The following SLC25A46 variants were observed in gnomAD, a reference collection of about 807,000 sequenced individuals.
The protein encoded by SLC25A46 is solute carrier family 25 member 46.
Under a neutral mutation model 44.6 loss-of-function variants are expected in SLC25A46, and 39 were observed. The observed-to-expected ratio is 0.87, with a 90% confidence interval of 0.68 to 1.14. SLC25A46 has a LOEUF of 1.14. SLC25A46 is among the 50% of genes most tolerant of loss of function. The probability of loss-of-function intolerance (pLI) is 0.00; values close to 1 mark genes in which losing one functional copy is unlikely to be tolerated. For missense variants in SLC25A46, 547 were observed against 522.7 expected, an observed-to-expected ratio of 1.05 and a Z score of -0.45; for synonymous variants, 202 against 185.8, an observed-to-expected ratio of 1.09 and a Z score of -0.71.
intron 7 of SLC25A46, among the ~76,000 whole-genome samples, chr5:110,759,584 A>G (rs1295695773): frequency 8.3e-6 from 1 of 119,798 alleles, no homozygotes. Flanking sequence ...GGAAGCTGTT[A>G]TGGTTGGTGC....
chr5:110,743,646 C>T, intron 2 of SLC25A46, 84 bp from the exon 3 acceptor site: 1 of 680,356 alleles, frequency 1.5e-6, no homozygotes. Context: ...ATTCTTCAGG[C>T]AAGAATAATT....
Position 110,761,562 on chromosome 5 carries a change from C to T in SLC25A46, c.1037C>T (p.Thr346Ile). 6.2e-7 allele frequency: 1 copy of T among 1,613,768 alleles called. No homozygotes were observed. Among genetic ancestry groups the T allele is most frequent in the Non-Finnish European group, 8.5e-7 (1 of 1,179,812 alleles). ...TTGCACCGCCTTCACATTCAAGGAA[C>T]ACGCACAATAATTGACAATACAGAC... ...TVLHRLHIQGTRTIIDNTDLG... is the reference protein window; with the variant it reads ...TVLHRLHIQGIRTIIDNTDLG... Residue 346 changes from threonine to isoleucine, a missense_variant, in exon 8 of 8, where the codon ACA (threonine) becomes ATA (isoleucine). By Grantham distance (89) the Thr-to-Ile change is moderately conservative. Coordinates refer to ENST00000355943, the MANE Select transcript of SLC25A46 (RefSeq NM_138773.4). This position sits in a 1 kb window ranked among gnomAD's most constrained non-coding sequence, Gnocchi z 5.3.
rs1239825531 is a variant in SLC25A46 at position 110,761,062 on chromosome 5, A to G, written c.679-142A>G. The G allele has an allele frequency of 1.4e-5, 9 of 664,234 alleles. No individual in the cohort carries two copies. The highest frequency in any genetic ancestry group is 5.5e-5 in the African/African-American group (3 of 54,426). 41.1% of individuals were successfully genotyped at this position (664,234 alleles called of 1,614,324 possible). On this transcript the variant is annotated intron_variant, in intron 7 of 7. Coordinates refer to ENST00000355943, the MANE Select transcript of SLC25A46 (RefSeq NM_138773.4). This position sits in a 1 kb window ranked among gnomAD's most constrained non-coding sequence, Gnocchi z 5.3. ...ATTTGAAAAAAAATCTGATGCCTAGATAACAGTTAAAGTCTGCAAATCATG... is the reference window on the plus strand; with the variant it reads ...ATTTGAAAAAAAATCTGATGCCTAGGTAACAGTTAAAGTCTGCAAATCATG...
rs897677686 is a variant in SLC25A46, at chr5:110,761,920, T to C, written c.*138T>C. On this transcript the variant is annotated 3_prime_UTR_variant, in exon 8 of 8. Coordinates refer to ENST00000355943, the MANE Select transcript of SLC25A46 (RefSeq NM_138773.4). The surrounding 1 kb of genome is among the most constrained non-coding windows in gnomAD (Gnocchi z 5.3). ...TTGGTACTAAAGCCCATACTGATTATCTTGACTTTGTTTTTTAAGGCATAG... is the reference window on the plus strand; with the variant it reads ...TTGGTACTAAAGCCCATACTGATTACCTTGACTTTGTTTTTTAAGGCATAG... The C allele has an allele frequency of 2.8e-6, 2 of 709,658 alleles. No homozygotes were observed. Among genetic ancestry groups the C allele is most frequent in the African/African-American group, 3.6e-5 (2 of 55,588 alleles). 44.0% of individuals were successfully genotyped at this position (709,658 alleles called of 1,614,324 possible).
intron 5 of SLC25A46, chr5:110,755,034 A>G (rs1304289009): frequency 6.5e-6 from 1 of 153,170 alleles, no homozygotes; most frequent in South Asian, 2.0e-4. Flanking sequence ...GAAATTAGGT[A>G]CTACATAAAT....
At position 110,762,068 on chromosome 5, in the gene SLC25A46, T is replaced by TATTA; in HGVS notation, c.*287_*290dup. On this transcript the variant is annotated 3_prime_UTR_variant, in exon 8 of 8. Coordinates refer to ENST00000355943, the MANE Select transcript of SLC25A46 (RefSeq NM_138773.4). ...ATGATCGTAGGCAGAAGCAAAATTT[T>TATTA]ATTATAAAATCTAAAACAAAACTTT... 2 of 267,284 alleles carry TATTA rather than the reference T, an allele frequency of 7.5e-6. No individual in the cohort carries two copies. Among genetic ancestry groups the TATTA allele is most frequent in the South Asian group, 1.1e-4 (2 of 17,772 alleles). The allele number at this position is 267,284 out of a possible 1,614,324, so 16.6% of individuals were successfully genotyped here. A position where few individuals can be genotyped will look rare whatever the true frequency, so the allele number is the denominator to read the frequency against.
At position 110,761,230 on chromosome 5, in the gene SLC25A46, C is replaced by T; in HGVS notation, c.705C>T (p.Gly235=). 6.2e-7 allele frequency: 1 copy of T among 1,605,782 alleles called. No individual in the cohort carries two copies. The highest frequency in any genetic ancestry group is 8.5e-7 in the Non-Finnish European group (1 of 1,177,276). The part of the protein sequence containing the change: ...VQSEIIRDNT[G]ILECVKEGIG... ...GTGAGATAATTCGAGATAATACTGGCATTTTGGAGTGTGTTAAAGAAGGAA... is the reference window on the plus strand; with the variant it reads ...GTGAGATAATTCGAGATAATACTGGTATTTTGGAGTGTGTTAAAGAAGGAA... The change falls in exon 8 of 8, where the codon GGC becomes GGT. Residue 235 remains glycine, a synonymous_variant. Transcript: ENST00000355943. This position sits in a 1 kb window ranked among gnomAD's most constrained non-coding sequence, Gnocchi z 5.3.
Position 110,761,620 on chromosome 5 carries a change from A to G in SLC25A46, c.1095A>G (p.Gln365=). ...ATGAAGTGCTTCCAATTAATACACA[A>G]TATGAGGGAATGAGAGACTGTATCA... ...LGYEVLPINT[Q]YEGMRDCINT... is the part of the protein sequence containing the mutation. The change falls in exon 8 of 8, where the codon CAA becomes CAG. Residue 365 remains glutamine, a synonymous_variant. Transcript: ENST00000355943. The surrounding 1 kb of genome is among the most constrained non-coding windows in gnomAD (Gnocchi z 5.3). 1 of 1,613,732 alleles carries G rather than the reference A, an allele frequency of 6.2e-7. No individual in the cohort carries two copies. Among genetic ancestry groups the G allele is most frequent in the South Asian group, 1.1e-5 (1 of 91,082 alleles).
intron 5 of SLC25A46, chr5:110,754,309 C>CTT (rs1800047673): frequency 1.9e-5 from 1 of 53,366 alleles, no homozygotes; most frequent in African/African-American, 4.0e-5. Context: ...ACTTCCCTTT[C>CTT]TGTTTTTTTT....
chr5:110,742,653 A>G (rs2150408362), intron 2 of SLC25A46, among the ~76,000 whole-genome samples: 1 of 152,162 alleles, frequency 6.6e-6, no homozygotes, highest in Middle Eastern at 3.4e-3. Flanking sequence ...TCATGGGTCT[A>G]TCCAAAGAAT....
chr5:110,752,066 G>T (rs1187891959), intron 5 of SLC25A46, among the ~76,000 whole-genome samples: 1 of 152,092 alleles, frequency 6.6e-6, no homozygotes, highest in Non-Finnish European at 1.5e-5. Flanking sequence ...ACATGAGGAG[G>T]ATGAGCTCTG....
intron 1 of SLC25A46, among the ~76,000 whole-genome samples, chr5:110,741,299 G>C (rs529368214): frequency 3.9e-5 from 6 of 152,294 alleles, no homozygotes; most frequent in Middle Eastern, 3.4e-3. Flanking sequence ...AACTTTTCCA[G>C]TAACATAACA....
chr5:110,739,333 C>A lies in SLC25A46; in HGVS notation c.214C>A (p.Pro72Thr), dbSNP rs781167879. 1.3e-6 allele frequency: 2 copies of A among 1,565,542 alleles called. No individual in the cohort carries two copies. The highest frequency in any genetic ancestry group is 1.3e-5 in the African/African-American group (1 of 74,170). ...CTACGGCGTGCCCACCACCTCCACC[C>A]CGTACGAAGGCCCCACGGAGGAACC... The part of the protein sequence containing the change: ...PPYGVPTTST[P>T]YEGPTEEPFS... Residue 72 changes from proline (P) to threonine (T), a missense_variant, in exon 1 of 8, where the codon CCG becomes ACG. Coordinates refer to ENST00000355943, the MANE Select transcript of SLC25A46 (RefSeq NM_138773.4).
intron 7 of SLC25A46, 147 bp downstream of exon 7, chr5:110,756,906 C>T (rs1172216952): frequency 1.8e-5 from 8 of 451,716 alleles, no homozygotes; most frequent in East Asian, 1.4e-4. Context: ...TTATATCGCA[C>T]GTTGCTTGTC....
intron 5 of SLC25A46, among the ~76,000 whole-genome samples, chr5:110,749,396 G>C (rs1218836126): frequency 6.6e-6 from 1 of 151,778 alleles, no homozygotes; most frequent in African/African-American, 2.4e-5. Flanking sequence ...AAAAGTAGCA[G>C]CTGAAGCTTA....
In SLC25A46 at chr5:110,764,814, T is replaced by A. The variant is rs1800348973; in HGVS notation, c.*3032T>A. On this transcript the variant is annotated 3_prime_UTR_variant, in exon 8 of 8. Transcript: ENST00000355943. ...GTTTGAATTATTTGCAAAATTTATA[T>A]AAGCAAATAAGATCTCTTGGTAACA... 6.6e-6 allele frequency: 1 copy of A among 152,008 alleles called. No homozygotes were observed. The highest frequency in any genetic ancestry group is 1.5e-5 in the Non-Finnish European group (1 of 67,940). The allele number at this position is 152,008 out of a possible 1,614,324, so 9.4% of individuals were successfully genotyped here. A position where few individuals can be genotyped will look rare whatever the true frequency, so the allele number is the denominator to read the frequency against.
At chr5:110,757,038 CAAAG>C (rs1438316224) in intron 7 of SLC25A46, 1 of 260,912 alleles carries the variant, frequency 3.8e-6, no homozygotes, top group East Asian at 6.8e-5. Flanking sequence ...GCTCTGAAAA[CAAAG>C]AATCTATAAA....
chr5:110,754,319 T>TA (rs1404449287), intron 5 of SLC25A46: 1 of 150,704 alleles, frequency 6.6e-6, no homozygotes, highest in Non-Finnish European at 1.5e-5. Context: ...CTGTTTTTTT[T>TA]TTCTCTTTTT....
intron 1 of SLC25A46, among the ~76,000 whole-genome samples, chr5:110,739,780 T>C (rs1454074379): frequency 2.0e-5 from 3 of 152,204 alleles, no homozygotes; most frequent in Admixed American, 6.5e-5. Context: ...ACTTGTAGTT[T>C]TGTGTTCTGA....
Sources: allele counts gnomAD v4.1 joint callset (sites outside exome capture counted in the v4.1 genomes callset), GRCh38; gene constraint gnomAD v4.1.1; non-coding constraint Gnocchi (gnomAD v3.1); transcripts MANE v1.5; gene names NCBI Gene and HGNC (gene_info 2026-07-23, HGNC 2026-07-21).